IGSF21: variants seen among roughly 807,000 people sequenced by gnomAD.
IGSF21 encodes the protein immunoglobin superfamily member 21, also known as immunoglobulin superfamily member 21.
IGSF21 carries 28 observed loss-of-function variants against 46.8 expected under a neutral mutation model. That is an observed-to-expected ratio of 0.60 (90% CI 0.44 to 0.82). IGSF21 has a LOEUF of 0.82. Ranked by LOEUF, IGSF21 falls within the 40% of genes least tolerant of loss-of-function variation. The pLI is 0.00. For synonymous variants in IGSF21, 284 were observed against 273.6 expected (o/e 1.04, Z -0.38); for missense variants, 624 against 665.5 (o/e 0.94, Z 0.69).
At chr1:18,332,182 C>T (rs758736362) in intron 3 of IGSF21, among the ~76,000 whole-genome samples, 1 of 152,220 alleles carries the variant, frequency 6.6e-6, no homozygotes, top group African/African-American at 2.4e-5. Flanking sequence ...ACACCTGTGT[C>T]GCTATCCTAT....
chr1:18,134,414 C>A (rs1557551135), intron 1 of IGSF21, among the ~76,000 whole-genome samples: 1 of 152,166 alleles, frequency 6.6e-6, no homozygotes, highest in Admixed American at 6.5e-5. Context: ...CTATAACCAG[C>A]CCTTTCCTCC....
chr1:18,193,155 T>G (rs2086973800), intron 1 of IGSF21, among the ~76,000 whole-genome samples: 1 of 150,226 alleles, frequency 6.7e-6, no homozygotes, highest in African/African-American at 2.5e-5. Context: ...GACAGCTGAG[T>G]GAAGAAAGAA....
chr1:18,272,071 G>T (rs2085047974), intron 2 of IGSF21, among the ~76,000 whole-genome samples: 1 of 152,032 alleles, frequency 6.6e-6, no homozygotes, highest in Non-Finnish European at 1.5e-5. Flanking sequence ...GGCCAGGGAA[G>T]CCTCATAATC....
chr1:18,232,209 C>CTTTTTTTTTTTTTTTTTTTT lies in IGSF21; in HGVS notation c.183+4207_183+4208insTTTTTTTTTTTTTTTTTTTT, dbSNP rs55775011. Reference sequence around the variant, plus strand: ...GCTCATATAGATAAGCTCCAGACAGCTTTTTTTTGGCTAATAGAGTAGGGG... The same window carrying CTTTTTTTTTTTTTTTTTTTT: ...GCTCATATAGATAAGCTCCAGACAGCTTTTTTTTTTTTTTTTTTTTTTTTTTTTGGCTAATAGAGTAGGGG... On this transcript the variant is annotated intron_variant, in intron 2 of 9. Coordinates refer to ENST00000251296, the MANE Select transcript of IGSF21 (RefSeq NM_032880.5). 2.9e-5 allele frequency among the ~76,000 whole-genome samples: 3 copies of CTTTTTTTTTTTTTTTTTTTT among 105,030 alleles called. 1 individual carries two copies. Among genetic ancestry groups the CTTTTTTTTTTTTTTTTTTTT allele is most frequent in the African/African-American group, 3.4e-5 (1 of 29,014 alleles). The allele number at this position is 105,030 out of a possible 152,430, so 68.9% of individuals were successfully genotyped here. A position where few individuals can be genotyped will look rare whatever the true frequency, so the allele number is the denominator to read the frequency against.
rs1459201019 is a variant in IGSF21, at chr1:18,331,843, C to T, written c.306-3049C>T. On this transcript the variant is annotated intron_variant, in intron 3 of 9. Coordinates refer to ENST00000251296, the MANE Select transcript of IGSF21 (RefSeq NM_032880.5). ...AGGAGTAGAACACCCAGGACTTGGT[C>T]GCTGTCTGTATTTGGAGGGTGTGGA... 2.6e-5 allele frequency among the ~76,000 whole-genome samples: 4 copies of T among 152,170 alleles called. 1 individual carries two copies. Among genetic ancestry groups the T allele is most frequent in the South Asian group, 4.2e-4 (2 of 4,800 alleles).
chr1:18,349,825 G>A (rs1360112002), intron 4 of IGSF21, among the ~76,000 whole-genome samples: 6 of 151,946 alleles, frequency 3.9e-5, no homozygotes, highest in African/African-American at 9.7e-5. Context: ...TTGGAAGGCC[G>A]ATATGGGATG....
chr1:18,113,267 G>A (rs1391817211), intron 1 of IGSF21: 1 of 152,142 alleles, frequency 6.6e-6, no homozygotes, highest in Non-Finnish European at 1.5e-5. Flanking sequence ...GATTGGGGTG[G>A]TGAGATCCTG....
At chr1:18,206,104 G>A (rs1199523268) in intron 1 of IGSF21, among the ~76,000 whole-genome samples, 2 of 152,234 alleles carry the variant, frequency 1.3e-5, no homozygotes, top group Non-Finnish European at 2.9e-5. Flanking sequence ...ATGTAGTGCT[G>A]TAACAAATAA....
chr1:18,323,342 G>A (rs1171547804), intron 3 of IGSF21, among the ~76,000 whole-genome samples: 2 of 152,174 alleles, frequency 1.3e-5, no homozygotes, highest in Non-Finnish European at 2.9e-5. Context: ...CTGAAGCTGA[G>A]AGCCGATGAC....
chr1:18,246,641 A>G (rs1027609748), intron 2 of IGSF21, among the ~76,000 whole-genome samples: 7 of 152,242 alleles, frequency 4.6e-5, no homozygotes, highest in Admixed American at 2.6e-4. Context: ...ATGTGCTGTA[A>G]TCTCCAAACT....
chr1:18,169,860 G>C (rs1321902102), intron 1 of IGSF21, among the ~76,000 whole-genome samples: 1 of 152,110 alleles, frequency 6.6e-6, no homozygotes, highest in Non-Finnish European at 1.5e-5. Context: ...AGACAGGCTG[G>C]AAAATGCGTG....
intron 3 of IGSF21, among the ~76,000 whole-genome samples, chr1:18,306,640 G>T (rs1439716856): frequency 6.6e-6 from 1 of 152,154 alleles, no homozygotes; most frequent in African/African-American, 2.4e-5. Flanking sequence ...TTCATATACG[G>T]ATAAGCGAAT....
intron 1 of IGSF21, among the ~76,000 whole-genome samples, chr1:18,126,778 T>C (rs1044202269): frequency 2.0e-5 from 3 of 152,160 alleles, no homozygotes; most frequent in African/African-American, 7.2e-5. Flanking sequence ...CTGGCACAGC[T>C]GCTGGGCCCA....
chr1:18,113,596 C>G (rs1487352503), intron 1 of IGSF21: 2 of 2,166 alleles, frequency 9.2e-4, no homozygotes, highest in African/African-American at 1.5e-3. Context: ...TCACACCAAC[C>G]CCGCACCCCA....
chr1:18,241,801 C>A (rs778103240), intron 2 of IGSF21, among the ~76,000 whole-genome samples: 1 of 152,174 alleles, frequency 6.6e-6, no homozygotes, highest in African/African-American at 2.4e-5. Context: ...CACAAGATGC[C>A]GGTACAGTTG....
At chr1:18,359,217 G>C (rs2086056665) in intron 4 of IGSF21, among the ~76,000 whole-genome samples, 1 of 150,966 alleles carries the variant, frequency 6.6e-6, no homozygotes, top group African/African-American at 2.4e-5. Flanking sequence ...GGTCAAGGCT[G>C]CTGTGAGCCA....
At chr1:18,333,026 G>A (rs970079891) in intron 3 of IGSF21, among the ~76,000 whole-genome samples, 15 of 152,194 alleles carry the variant, frequency 9.9e-5, no homozygotes, top group Non-Finnish European at 2.1e-4. Context: ...AGAGCAAAGT[G>A]GGAAGTGTGT....
intron 2 of IGSF21, among the ~76,000 whole-genome samples, chr1:18,277,621 T>C (rs544576275): frequency 1.6e-4 from 24 of 152,244 alleles, no homozygotes; most frequent in Admixed American, 2.6e-4. Flanking sequence ...AACTGGAAAC[T>C]GTCCAGGTGC....
chr1:18,116,503 G>A (rs930318396), intron 1 of IGSF21, among the ~76,000 whole-genome samples: 4 of 152,226 alleles, frequency 2.6e-5, no homozygotes, highest in Non-Finnish European at 5.9e-5. Flanking sequence ...GCATGTAACT[G>A]GCCTCTCCCT....
Sources: allele counts gnomAD v4.1 joint callset (sites outside exome capture counted in the v4.1 genomes callset), GRCh38; gene constraint gnomAD v4.1.1; transcripts MANE v1.5; gene names NCBI Gene and HGNC (gene_info 2026-07-23, HGNC 2026-07-21).